Variants in ARIH1 observed in about 807,000 individuals in gnomAD.
ARIH1 encodes the protein ariadne RBR E3 ubiquitin protein ligase 1, also known as E3 ubiquitin-protein ligase ARIH1.
In ARIH1, 8 loss-of-function variants were observed where a neutral mutation model predicts 85.0. The observed-to-expected ratio is 0.09, with a 90% confidence interval of 0.06 to 0.17. The LOEUF (loss-of-function observed/expected upper bound fraction) is 0.17. ARIH1 is among the 10% of genes least tolerant of loss of function. The probability of loss-of-function intolerance (pLI) is 1.00; values close to 1 mark genes in which losing one functional copy is unlikely to be tolerated. For synonymous variants in ARIH1, 238 were observed against 253.6 expected (o/e 0.94, Z 0.59); for missense variants, 311 against 718.1 (o/e 0.43, Z 6.48).
chr15:72,540,270 A>C (rs2064101126), intron 2 of ARIH1, among the ~76,000 whole-genome samples: 1 of 151,558 alleles, frequency 6.6e-6, no homozygotes, highest in Non-Finnish European at 1.5e-5. Flanking sequence ...AAAAAAAAAA[A>C]AAAAAAAAAA....
chr15:72,569,514 G>A (rs143747912), intron 9 of ARIH1, among the ~76,000 whole-genome samples: 107 of 152,196 alleles, frequency 7.0e-4, no homozygotes, highest in African/African-American at 2.6e-3. Context: ...CTTGGATTTG[G>A]ATCCTGACTT....
At chr15:72,577,955 C>A (rs2064279114) in intron 11 of ARIH1, among the ~76,000 whole-genome samples, 1 of 152,136 alleles carries the variant, frequency 6.6e-6, no homozygotes, top group Non-Finnish European at 1.5e-5. Flanking sequence ...ATAGAAGGGT[C>A]CATTCATAAA....
chr15:72,580,093 C>A (rs1567361623), intron 11 of ARIH1, among the ~76,000 whole-genome samples: 1 of 152,188 alleles, frequency 6.6e-6, no homozygotes, highest in East Asian at 1.9e-4. Flanking sequence ...CTTCCTACCC[C>A]TCTATCCCCG....
chr15:72,481,371 T>G (rs1286611503), intron 1 of ARIH1, among the ~76,000 whole-genome samples: 1 of 152,184 alleles, frequency 6.6e-6, no homozygotes, highest in Non-Finnish European at 1.5e-5. Context: ...AGTGATAGAT[T>G]ACTACAGAGG....
At chr15:72,545,056 C>A in intron 3 of ARIH1, 92 bp downstream of exon 3, 1 of 1,208,864 alleles carries the variant, frequency 8.3e-7, no homozygotes, top group Non-Finnish European at 1.1e-6. Context: ...ATTTGTGGGT[C>A]TGGGAGTAGT....
At chr15:72,552,713 CTG>C (rs1484991117) in intron 3 of ARIH1, among the ~76,000 whole-genome samples, 3 of 151,504 alleles carry the variant, frequency 2.0e-5, no homozygotes, top group Non-Finnish European at 4.4e-5. Flanking sequence ...ATGTAAAAAA[CTG>C]GAAATAGCAG....
At chr15:72,514,777 G>A (rs1445789971) in intron 1 of ARIH1, among the ~76,000 whole-genome samples, 1 of 151,990 alleles carries the variant, frequency 6.6e-6, no homozygotes, top group East Asian at 1.9e-4. Flanking sequence ...AGGCCAAGGT[G>A]GGTGGATCAT....
At chr15:72,510,156 ATTTTC>A (rs2063943680) in intron 1 of ARIH1, among the ~76,000 whole-genome samples, 1 of 151,868 alleles carries the variant, frequency 6.6e-6, no homozygotes, top group Non-Finnish European at 1.5e-5. Flanking sequence ...ATGGGCTTTT[ATTTTC>A]TTGTTAGGTT....
rs184308754 is a variant in ARIH1 at position 72,586,025 on chromosome 15, C to T, written c.*2733C>T. 297 of 152,272 alleles carry T rather than the reference C, an allele frequency of 2.0e-3. No homozygotes were observed. The highest frequency in any genetic ancestry group is 6.9e-3 in the African/African-American group (285 of 41,558). 9.4% of individuals were successfully genotyped at this position (152,272 alleles called of 1,614,324 possible). On this transcript the variant is annotated 3_prime_UTR_variant, in exon 14 of 14. Transcript: ENST00000379887. ...ATTCATTCAGCAGCAGATGGACTTT[C>T]AGTGATTTAAAATAAAATTTTGATC...
intron 1 of ARIH1, among the ~76,000 whole-genome samples, chr15:72,516,771 C>T (rs1374504235): frequency 3.9e-5 from 6 of 152,156 alleles, no homozygotes; most frequent in Admixed American, 3.3e-4. Flanking sequence ...TCTTTCATGA[C>T]ACTATTTTTA....
At chr15:72,507,268 C>T (rs954299085) in intron 1 of ARIH1, among the ~76,000 whole-genome samples, 1 of 152,166 alleles carries the variant, frequency 6.6e-6, no homozygotes, top group African/African-American at 2.4e-5. Context: ...AAGTGATCCG[C>T]CTGCCTTGGC....
At chr15:72,549,829 A>AT (rs2064145878) in intron 3 of ARIH1, among the ~76,000 whole-genome samples, 1 of 152,138 alleles carries the variant, frequency 6.6e-6, no homozygotes, top group Non-Finnish European at 1.5e-5. Flanking sequence ...TATTTCATGT[A>AT]TTTTTCGTGT....
Position 72,574,912 on chromosome 15 carries a change from C to T in ARIH1, c.1215+2747C>T, listed in dbSNP as rs2064263458. 3.0e-5 allele frequency among the ~76,000 whole-genome samples: 4 copies of T among 134,784 alleles called. No individual in the cohort carries two copies. In the Admixed American group the frequency reaches 3.1e-4, roughly 10 times the overall value. The allele number at this position is 134,784 out of a possible 152,430, so 88.4% of individuals were successfully genotyped here. A position where few individuals can be genotyped will look rare whatever the true frequency, so the allele number is the denominator to read the frequency against. The stretch of plus-strand genomic sequence containing the variant: ...TAGTAAGACCCCCCCGCCGCCCCCG[C>T]CCATCTCTACAAAAAAAAAACAAAG... On this transcript the variant is annotated intron_variant, in intron 11 of 13. Transcript: ENST00000379887.
intron 1 of ARIH1, among the ~76,000 whole-genome samples, chr15:72,480,056 A>G (rs2063809550): frequency 6.6e-6 from 1 of 151,524 alleles, no homozygotes; most frequent in Non-Finnish European, 1.5e-5. Context: ...TTTTTAGTAG[A>G]GATGGGGTTT....
At chr15:72,488,716 G>C (rs2063847094) in intron 1 of ARIH1, among the ~76,000 whole-genome samples, 1 of 152,138 alleles carries the variant, frequency 6.6e-6, no homozygotes. Context: ...CAGTTTCCTT[G>C]TGGTAAACCA....
chr15:72,556,287 C>T (rs1250552763), intron 5 of ARIH1, among the ~76,000 whole-genome samples: 1 of 152,218 alleles, frequency 6.6e-6, no homozygotes, highest in East Asian at 1.9e-4. Flanking sequence ...GGCCTGACAT[C>T]TGTTAAAAGA....
At position 72,538,094 on chromosome 15, in the gene ARIH1, T is replaced by C. The variant is rs538525200; in HGVS notation, c.444-6726T>C. 4.6e-5 allele frequency among the ~76,000 whole-genome samples: 7 copies of C among 152,304 alleles called. No individual in the cohort carries two copies. The East Asian group carries it at 1.4e-3, about 29-fold the overall frequency. The stretch of plus-strand genomic sequence containing the variant: ...GAATAAGCATAGAGGCTGGGCGTGG[T>C]AGCTCACACCTGTAATCCCAGCACT... On this transcript the variant is annotated intron_variant, in intron 2 of 13. Transcript: ENST00000379887.
chr15:72,569,403 A>G (rs746075580), intron 9 of ARIH1, among the ~76,000 whole-genome samples: 4 of 152,188 alleles, frequency 2.6e-5, no homozygotes, highest in Non-Finnish European at 4.4e-5. Flanking sequence ...AATTTAAAAC[A>G]TGGTTATTTG....
intron 1 of ARIH1, among the ~76,000 whole-genome samples, chr15:72,476,437 T>C (rs1220954073): frequency 6.6e-6 from 1 of 152,242 alleles, no homozygotes. Context: ...CAATCTCTGC[T>C]CACTGCAACC....
Sources: gnomAD v4.1 joint callset for allele counts (sites outside exome capture counted in the v4.1 genomes callset) on GRCh38, gnomAD v4.1.1 for gene constraint, MANE v1.5 for transcripts, NCBI Gene and HGNC (gene_info 2026-07-23, HGNC 2026-07-21) for gene names.